Variants in NAALADL2 observed in about 807,000 individuals in gnomAD.
NAALADL2 encodes inactive N-acetylated-alpha-linked acidic dipeptidase-like protein 2.
Under a neutral mutation model 87.2 loss-of-function variants are expected in NAALADL2, and 76 were observed. That is an observed-to-expected ratio of 0.87 (90% CI 0.72 to 1.05). NAALADL2 has a LOEUF of 1.05. NAALADL2 is among the 50% of genes least tolerant of loss of function. The pLI, the probability that NAALADL2 is intolerant of heterozygous loss-of-function variation, is 0.00. For missense variants in NAALADL2, 1,089 were observed against 945.8 expected, an observed-to-expected ratio of 1.15 and a Z score of -1.99; for synonymous variants, 354 against 331.0, an observed-to-expected ratio of 1.07 and a Z score of -0.75.
At chr3:175,672,396 T>C (rs533030372) in intron 11 of NAALADL2, among the ~76,000 whole-genome samples, 1 of 152,300 alleles carries the variant, frequency 6.6e-6, no homozygotes, top group South Asian at 2.1e-4. Context: ...ATCCTGTGGA[T>C]GCTATGGAGA....
chr3:174,600,124 C>T (rs1718295930), intron 2 of NAALADL2, among the ~76,000 whole-genome samples: 1 of 151,888 alleles, frequency 6.6e-6, no homozygotes, highest in South Asian at 2.1e-4. Flanking sequence ...TAATCCCTTA[C>T]AGTGTCTCCT....
At chr3:174,655,648 T>C (rs1724842521) in intron 2 of NAALADL2, among the ~76,000 whole-genome samples, 1 of 152,186 alleles carries the variant, frequency 6.6e-6, no homozygotes, top group Non-Finnish European at 1.5e-5. Context: ...GTATTAAAGT[T>C]TCTATAATTT....
intron 10 of NAALADL2, among the ~76,000 whole-genome samples, chr3:175,590,650 A>G (rs1721302702): frequency 6.6e-6 from 1 of 152,168 alleles, no homozygotes; most frequent in South Asian, 2.1e-4. Flanking sequence ...AGGAAATAGA[A>G]AATGCATGAT....
At chr3:175,163,643 T>C (rs918101526) in intron 2 of NAALADL2, among the ~76,000 whole-genome samples, 14 of 152,240 alleles carry the variant, frequency 9.2e-5, no homozygotes, top group African/African-American at 3.4e-4. Context: ...ATGACTAGTA[T>C]AAAAAGACCC....
chr3:175,013,498 C>T (rs773844862), intron 1 of NAALADL2, among the ~76,000 whole-genome samples: 22 of 150,824 alleles, frequency 1.5e-4, no homozygotes, highest in African/African-American at 3.4e-4. Flanking sequence ...AAGATTTTGC[C>T]ATGTTGTCCA....
At chr3:175,140,545 T>A (rs1291640240) in intron 2 of NAALADL2, among the ~76,000 whole-genome samples, 1 of 152,060 alleles carries the variant, frequency 6.6e-6, no homozygotes, top group Admixed American at 6.6e-5. Flanking sequence ...TAATTTGGGA[T>A]TAACTAAGCA....
chr3:174,812,213 G>A (rs1203611930), intron 3 of NAALADL2, among the ~76,000 whole-genome samples: 1 of 152,044 alleles, frequency 6.6e-6, no homozygotes. Context: ...TATTTCATGA[G>A]TCTATTTATA....
At chr3:174,749,720 G>C (rs1734635004) in intron 3 of NAALADL2, among the ~76,000 whole-genome samples, 1 of 152,088 alleles carries the variant, frequency 6.6e-6, no homozygotes, top group Non-Finnish European at 1.5e-5. Flanking sequence ...CTAAAATCTG[G>C]ACAATGCCAT....
At chr3:175,199,022 C>G (rs527527447) in intron 2 of NAALADL2, among the ~76,000 whole-genome samples, 1 of 152,114 alleles carries the variant, frequency 6.6e-6, no homozygotes, top group South Asian at 2.1e-4. Flanking sequence ...ATTTTAAGGA[C>G]AGTTTCAATA....
At chr3:175,066,261 G>C (rs1029343450) in intron 1 of NAALADL2, among the ~76,000 whole-genome samples, 7 of 152,130 alleles carry the variant, frequency 4.6e-5, no homozygotes, top group Admixed American at 1.3e-4. Context: ...GAGGACAGAA[G>C]TAGTTAGGTT....
intron 1 of NAALADL2, among the ~76,000 whole-genome samples, chr3:174,983,202 G>C (rs1400825490): frequency 6.6e-6 from 1 of 152,140 alleles, no homozygotes; most frequent in Non-Finnish European, 1.5e-5. Flanking sequence ...GGAAAGAGGG[G>C]ACAGTATGAC....
intron 1 of NAALADL2, among the ~76,000 whole-genome samples, chr3:174,868,065 G>C (rs1186727341): frequency 1.3e-5 from 2 of 151,988 alleles, no homozygotes; most frequent in East Asian, 1.9e-4. Flanking sequence ...TAATTTCAAA[G>C]GCTTCAGACA....
In NAALADL2 at chr3:175,097,283, G is replaced by T. The variant is rs367765642; in HGVS notation, c.537G>T (p.Lys179Asn). 1.7e-5 allele frequency: 27 copies of T among 1,604,536 alleles called. No individual in the cohort carries two copies. In the African/African-American group the frequency reaches 3.0e-4, roughly 18 times the overall value. The change falls in exon 2 of 14, where the codon AAG (lysine) becomes AAT (asparagine). Residue 179 changes from lysine (K) to asparagine (N), a missense_variant. Transcript: ENST00000454872. ...CAATCCAGGCAGAAGATATTAAGAA[G>T]TCTTTCAGGTAGGTGAAGAAGAAAC... ...LKTIQAEDIK[K>N]SFRNLVQLYK...
intron 11 of NAALADL2, among the ~76,000 whole-genome samples, chr3:175,643,793 A>G (rs529663831): frequency 1.2e-4 from 18 of 152,322 alleles, no homozygotes; most frequent in African/African-American, 4.1e-4. Flanking sequence ...GACGTTATTT[A>G]TCAACTTAAA....
chr3:174,489,442 A>C (rs1718048164), intron 1 of NAALADL2, among the ~76,000 whole-genome samples: 2 of 152,084 alleles, frequency 1.3e-5, no homozygotes, highest in African/African-American at 4.8e-5. Context: ...ATGGTTTCTT[A>C]AATATGACAT....
At chr3:174,874,841 G>T (rs1728279797) in intron 1 of NAALADL2, among the ~76,000 whole-genome samples, 1 of 151,964 alleles carries the variant, frequency 6.6e-6, no homozygotes, top group Admixed American at 6.6e-5. Flanking sequence ...TAAAATTCAT[G>T]ATAGATGCTC....
chr3:174,855,966 G>A (rs1725817005), upstream of NAALADL2, among the ~76,000 whole-genome samples: 3 of 86,082 alleles, frequency 3.5e-5, no homozygotes, highest in Admixed American at 2.4e-4. Flanking sequence ...ATATGTGTAT[G>A]TGTGTGTGTG....
chr3:174,878,386 C>T (rs1051196952), intron 1 of NAALADL2, among the ~76,000 whole-genome samples: 16 of 152,012 alleles, frequency 1.1e-4, no homozygotes, highest in African/African-American at 3.9e-4. Flanking sequence ...GAATCATTGT[C>T]TTCTGACAAA....
At chr3:175,235,255 C>G (rs1448684450) in intron 3 of NAALADL2, 1 of 151,992 alleles carries the variant, frequency 6.6e-6, no homozygotes, top group Non-Finnish European at 1.5e-5. Flanking sequence ...AGTAAATGCT[C>G]GTTCCTAATA....
Sources: allele counts gnomAD v4.1 joint callset (sites outside exome capture counted in the v4.1 genomes callset), GRCh38; gene constraint gnomAD v4.1.1; transcripts MANE v1.5; gene names NCBI Gene and HGNC (gene_info 2026-07-23, HGNC 2026-07-21).